Variants in ZMYND11 observed in about 807,000 individuals in gnomAD.
The protein encoded by ZMYND11 is zinc finger MYND-type containing 11, also known as zinc finger MYND domain-containing protein 11.
ZMYND11 carries 9 observed loss-of-function variants against 84.9 expected under a neutral mutation model. That is an observed-to-expected ratio of 0.11 (90% CI 0.06 to 0.18). The LOEUF is 0.18. Ranked by LOEUF, ZMYND11 falls within the 10% of genes least tolerant of loss-of-function variation. ZMYND11 has a pLI of 1.00. For synonymous variants in ZMYND11, 250 were observed against 244.1 expected (o/e 1.02, Z -0.23); for missense variants, 409 against 761.0 (o/e 0.54, Z 5.44).
chr10:155,588 A>G (rs1389001509), intron 1 of ZMYND11, among the ~76,000 whole-genome samples: 21 of 152,362 alleles, frequency 1.4e-4, no homozygotes, highest in African/African-American at 5.0e-4. Flanking sequence ...TTTCTAAAGA[A>G]GAGCTACAAA....
At chr10:177,162 A>G (rs2131738562) in intron 1 of ZMYND11, among the ~76,000 whole-genome samples, 1 of 152,296 alleles carries the variant, frequency 6.6e-6, no homozygotes, top group Non-Finnish European at 1.5e-5. Flanking sequence ...TATATGAATT[A>G]TATGTTAAAT....
intron 2 of ZMYND11, among the ~76,000 whole-genome samples, chr10:189,342 C>T (rs1939689591): frequency 6.6e-6 from 1 of 152,196 alleles, no homozygotes; most frequent in South Asian, 2.1e-4. Flanking sequence ...TGCTATGTCT[C>T]ACTGTCAATT....
At chr10:147,678 C>T (rs1474473599) in intron 1 of ZMYND11, 17 of 149,664 alleles carry the variant, frequency 1.1e-4, no homozygotes, top group African/African-American at 4.2e-4. Context: ...TAGATGAAAG[C>T]GTTAAATCTT....
intron 2 of ZMYND11, among the ~76,000 whole-genome samples, chr10:193,685 A>G (rs905622310): frequency 1.3e-5 from 2 of 152,182 alleles, no homozygotes; most frequent in Admixed American, 6.5e-5. Flanking sequence ...CACCATCTCA[A>G]TTAAGATTAC....
At chr10:219,404 C>T (rs1018284805) in intron 3 of ZMYND11, among the ~76,000 whole-genome samples, 1 of 151,946 alleles carries the variant, frequency 6.6e-6, no homozygotes, top group East Asian at 1.9e-4. Flanking sequence ...CACCAGAATC[C>T]CTTAAGATGT....
chr10:188,609 AAT>A (rs536945856), intron 2 of ZMYND11, among the ~76,000 whole-genome samples: 248 of 148,800 alleles, frequency 1.7e-3, no homozygotes, highest in Non-Finnish European at 2.2e-3. Context: ...AAAAAAAAAA[AAT>A]TTCCCAGTAT....
chr10:150,232 C>T (rs1240280184), intron 1 of ZMYND11, among the ~76,000 whole-genome samples: 6 of 152,064 alleles, frequency 3.9e-5, no homozygotes, highest in East Asian at 1.9e-4. Context: ...GCTGTGAATC[C>T]GTCTGGTCCT....
At chr10:178,719 A>C (rs1251174543) in intron 1 of ZMYND11, among the ~76,000 whole-genome samples, 1 of 152,176 alleles carries the variant, frequency 6.6e-6, no homozygotes, top group Non-Finnish European at 1.5e-5. Flanking sequence ...ATTAGAAGTA[A>C]TAGTGTGAGA....
At chr10:179,396 C>CT (rs1847359499) in intron 1 of ZMYND11, among the ~76,000 whole-genome samples, 1 of 152,168 alleles carries the variant, frequency 6.6e-6, no homozygotes, top group South Asian at 2.1e-4. Context: ...ACCCCCAAAA[C>CT]TTACACCTAA....
At chr10:250,166 G>A (rs766449334) in intron 14 of ZMYND11, among the ~76,000 whole-genome samples, 6 of 152,190 alleles carry the variant, frequency 3.9e-5, no homozygotes, top group South Asian at 2.1e-4. Flanking sequence ...GATGGCAGTC[G>A]GCAAAACTAG....
chr10:205,995 A>G (rs543149367), intron 2 of ZMYND11, among the ~76,000 whole-genome samples: 53 of 149,982 alleles, frequency 3.5e-4, no homozygotes, highest in African/African-American at 1.3e-3. Flanking sequence ...GGATAAATCA[A>G]TAGACCTGTC....
intron 2 of ZMYND11, among the ~76,000 whole-genome samples, chr10:194,417 G>A (rs188117970): frequency 6.6e-6 from 1 of 152,246 alleles, no homozygotes; most frequent in Non-Finnish European, 1.5e-5. Context: ...TACAGGTGTA[G>A]GCATACGTTT....
chr10:222,516 G>A (rs1247737202), intron 4 of ZMYND11, among the ~76,000 whole-genome samples: 1 of 152,114 alleles, frequency 6.6e-6, no homozygotes, highest in African/African-American at 2.4e-5. Context: ...TCCTCTTTGA[G>A]GTCTACAAGA....
rs917335378 is a variant in ZMYND11 at position 241,047 on chromosome 10, A to G, written c.831+77A>G. The G allele has an allele frequency of 5.9e-6, 7 of 1,190,872 alleles. No homozygotes were observed. The African/African-American group carries it at 9.3e-5, about 16-fold the overall frequency. The allele number at this position is 1,190,872 out of a possible 1,614,324, so 73.8% of individuals were successfully genotyped here. A position where few individuals can be genotyped will look rare whatever the true frequency, so the allele number is the denominator to read the frequency against. ...ATTTCCAGTTTGGTTAAAGATTATA[A>G]TTTTCTTCCTAAATTTTTAAAATAT... is the stretch of plus-strand genomic sequence containing the variant. On this transcript the variant is annotated intron_variant, in intron 9 of 14. Transcript: ENST00000381604.
intron 2 of ZMYND11, among the ~76,000 whole-genome samples, chr10:195,015 G>A (rs1387993878): frequency 6.6e-6 from 1 of 152,168 alleles, no homozygotes; most frequent in Non-Finnish European, 1.5e-5. Flanking sequence ...TTTACTAAGG[G>A]GAAAGAGAAG....
Position 237,731 on chromosome 10 carries a change from T to A in ZMYND11, c.609+54T>A. ...CAAGTACATTTTCTTAACTAACAAG[T>A]TAAAGAATAATGTAGCAGTTAAGCA... On this transcript the variant is annotated intron_variant, in intron 6 of 14. Transcript: ENST00000381604. 2.8e-6 allele frequency: 4 copies of A among 1,408,580 alleles called. No individual in the cohort carries two copies. The South Asian group carries it at 5.1e-5, about 18-fold the overall frequency. 87.3% of individuals were successfully genotyped at this position (1,408,580 alleles called of 1,614,324 possible).
intron 1 of ZMYND11, among the ~76,000 whole-genome samples, chr10:141,625 T>C (rs4331015): frequency 0.71 from 108,007 of 152,156 alleles, 38,480 homozygotes; most frequent in East Asian, 0.83. Flanking sequence ...AAAGCAACTT[T>C]ATTATGATTG....
chr10:232,592 G>GC (rs1356443689), intron 4 of ZMYND11, among the ~76,000 whole-genome samples: 1 of 152,134 alleles, frequency 6.6e-6, no homozygotes, highest in African/African-American at 2.4e-5. Flanking sequence ...GTAGTGTGAG[G>GC]CCCATCACAG....
rs945938216 is a variant in ZMYND11, at chr10:247,457, C to A, written c.1218C>A (p.Pro406=). 28 of 1,613,816 alleles carry A rather than the reference C, an allele frequency of 1.7e-5. No individual in the cohort carries two copies. The highest frequency in any genetic ancestry group is 2.3e-5 in the Non-Finnish European group (27 of 1,179,928). Residue 406 remains proline (P), a synonymous_variant, in exon 12 of 15, where the codon CCC becomes CCA. Transcript: ENST00000381604. ...KKGRRNQSVE[P]KKEEPEPETE... is the part of the protein sequence containing the mutation. The stretch of plus-strand genomic sequence containing the variant: ...GACGACGTAATCAAAGTGTGGAGCC[C>A]AAAAAGGAAGTAAGTTGCCCACCTC...
Sources: gnomAD v4.1 joint callset for allele counts (sites outside exome capture counted in the v4.1 genomes callset) on GRCh38, gnomAD v4.1.1 for gene constraint, MANE v1.5 for transcripts, NCBI Gene and HGNC (gene_info 2026-07-23, HGNC 2026-07-21) for gene names.